The following DLG2 variants were observed in gnomAD, a reference collection of about 807,000 sequenced individuals.
DLG2 encodes discs large MAGUK scaffold protein 2, also known as disks large homolog 2.
A neutral mutation model predicts 132.5 loss-of-function variants in DLG2; 45 were observed. That is an observed-to-expected ratio of 0.34 (90% CI 0.27 to 0.44). DLG2 has a LOEUF of 0.44. DLG2 is among the 20% of genes least tolerant of loss of function. The pLI, the probability that DLG2 is intolerant of heterozygous loss-of-function variation, is 1.00. For synonymous variants in DLG2, 424 were observed against 419.6 expected (o/e 1.01, Z -0.13); for missense variants, 1,045 against 1,196.9 (o/e 0.87, Z 1.87).
intron 4 of DLG2, among the ~76,000 whole-genome samples, chr11:85,240,445 CT>C (rs1188850084): frequency 6.6e-6 from 1 of 151,592 alleles, no homozygotes; most frequent in Admixed American, 6.6e-5. Flanking sequence ...AATATATCAC[CT>C]TTTCCTTATG....
intron 5 of DLG2, among the ~76,000 whole-genome samples, chr11:85,127,730 G>C (rs1483271043): frequency 6.6e-6 from 1 of 152,156 alleles, no homozygotes; most frequent in Non-Finnish European, 1.5e-5. Context: ...GAAACCATTT[G>C]TTGCCTTGGT....
At position 83,613,490 on chromosome 11, in the gene DLG2, C is replaced by T. The variant is rs12223206; in HGVS notation, c.1940+19721G>A. On this transcript the variant is annotated intron_variant, in intron 19 of 27. Transcript: ENST00000376104. ...CTGATTTTCAAGAAATCTTACCAAC[C>T]TTTTCAATCTGTTTTACAAAGTTAT... is the stretch of plus-strand genomic sequence containing the variant. Among the ~76,000 whole-genome samples, 20 of 152,264 alleles carry T rather than the reference C, an allele frequency of 1.3e-4. No individual in the cohort carries two copies. In the East Asian group the frequency reaches 2.9e-3, roughly 22 times the overall value.
chr11:83,610,393 C>T (rs879379625), intron 19 of DLG2, among the ~76,000 whole-genome samples: 4 of 152,120 alleles, frequency 2.6e-5, no homozygotes, highest in East Asian at 3.8e-4. Context: ...AGGAATGTTT[C>T]GACTTGTGAG....
intron 12 of DLG2, among the ~76,000 whole-genome samples, chr11:83,978,687 A>G (rs1441068679): frequency 1.3e-5 from 2 of 152,160 alleles, no homozygotes; most frequent in East Asian, 3.8e-4. Context: ...CATTAATGGT[A>G]TATTTTTTGC....
intron 19 of DLG2, among the ~76,000 whole-genome samples, chr11:83,614,804 T>C (rs1195926395): frequency 6.6e-6 from 1 of 152,258 alleles, no homozygotes; most frequent in Admixed American, 6.5e-5. Flanking sequence ...TTGGGTTCTG[T>C]GCTAGATCCT....
chr11:84,483,013 C>T (rs1253516231), intron 7 of DLG2, among the ~76,000 whole-genome samples: 1 of 152,082 alleles, frequency 6.6e-6, no homozygotes, highest in East Asian at 1.9e-4. Context: ...ATATAATAAA[C>T]TTATAGAGAC....
At chr11:85,013,316 T>G (rs1274198461) in intron 6 of DLG2, among the ~76,000 whole-genome samples, 1 of 152,148 alleles carries the variant, frequency 6.6e-6, no homozygotes, top group East Asian at 1.9e-4. Flanking sequence ...CCCTCTTTCC[T>G]GAACCATGTA....
At chr11:85,155,075 G>C (rs933993302) in intron 4 of DLG2, among the ~76,000 whole-genome samples, 1 of 152,136 alleles carries the variant, frequency 6.6e-6, no homozygotes, top group Non-Finnish European at 1.5e-5. Flanking sequence ...TTTGCTTTGG[G>C]CTGTCTTTTT....
chr11:84,437,716 G>T (rs1008291197), intron 7 of DLG2: 3 of 152,322 alleles, frequency 2.0e-5, no homozygotes, highest in African/African-American at 7.2e-5. Context: ...GGCAGGCGCT[G>T]CCTTTGTAGC....
rs557280651 is a variant in DLG2, at chr11:84,277,594, C to T, written c.520-26303G>A. 5.3e-5 allele frequency among the ~76,000 whole-genome samples: 8 copies of T among 152,226 alleles called. No homozygotes were observed. The South Asian group carries it at 1.2e-3, about 24-fold the overall frequency. The stretch of plus-strand genomic sequence containing the variant: ...GCAGTAATTAAGGAAACATACATAT[C>T]ACTACACGCTTATATTTGAAAAGAA... On this transcript the variant is annotated intron_variant, in intron 7 of 27. Coordinates refer to ENST00000376104, the MANE Select transcript of DLG2 (RefSeq NM_001142699.3).
At chr11:84,379,064 C>T (rs760023051) in intron 7 of DLG2, among the ~76,000 whole-genome samples, 12 of 151,068 alleles carry the variant, frequency 7.9e-5, no homozygotes, top group Non-Finnish European at 1.8e-4. Context: ...TCTTTTGAAA[C>T]TCACCTTCAA....
At chr11:84,433,335 T>C (rs2098990459) in intron 7 of DLG2, among the ~76,000 whole-genome samples, 2 of 152,190 alleles carry the variant, frequency 1.3e-5, no homozygotes, top group African/African-American at 2.4e-5. Context: ...AATTGCACTT[T>C]CAATTTATCT....
intron 3 of DLG2, among the ~76,000 whole-genome samples, chr11:85,342,896 T>C (rs141989964): frequency 5.2e-4 from 79 of 152,320 alleles, no homozygotes; most frequent in African/African-American, 1.7e-3. Flanking sequence ...ATAACATACA[T>C]GTATAATATA....
intron 3 of DLG2, among the ~76,000 whole-genome samples, chr11:85,302,945 C>G (rs2079692938): frequency 6.6e-6 from 1 of 152,142 alleles, no homozygotes; most frequent in African/African-American, 2.4e-5. Flanking sequence ...GTTATTATCT[C>G]CATTTCACAA....
chr11:85,284,708 T>C (rs2078447820), intron 4 of DLG2, among the ~76,000 whole-genome samples: 1 of 151,984 alleles, frequency 6.6e-6, no homozygotes, highest in Non-Finnish European at 1.5e-5. Flanking sequence ...TTTATATTTA[T>C]TTTTAAAATT....
chr11:84,701,083 G>A (rs980531698), intron 6 of DLG2, among the ~76,000 whole-genome samples: 2 of 151,632 alleles, frequency 1.3e-5, no homozygotes, highest in Non-Finnish European at 3.0e-5. Context: ...CCACTCCAAT[G>A]AGACCATCCT....
At chr11:83,947,545 A>T (rs2084357056) in intron 14 of DLG2, among the ~76,000 whole-genome samples, 1 of 152,204 alleles carries the variant, frequency 6.6e-6, no homozygotes, top group Non-Finnish European at 1.5e-5. Context: ...CTATCATCAC[A>T]GCGGAAGCCA....
intron 3 of DLG2, among the ~76,000 whole-genome samples, chr11:85,465,406 T>C (rs1264024582): frequency 2.6e-5 from 4 of 152,124 alleles, no homozygotes; most frequent in Middle Eastern, 3.4e-3. Context: ...CTGCACCCAG[T>C]AACTCGTCAT....
chr11:84,658,754 G>T (rs2099691213), intron 6 of DLG2, among the ~76,000 whole-genome samples: 1 of 152,124 alleles, frequency 6.6e-6, no homozygotes, highest in Non-Finnish European at 1.5e-5. Context: ...ACGATTAAAA[G>T]CTTTCTAAGC....
Sources: allele counts gnomAD v4.1 joint callset (sites outside exome capture counted in the v4.1 genomes callset), GRCh38; gene constraint gnomAD v4.1.1; transcripts MANE v1.5; gene names NCBI Gene and HGNC (gene_info 2026-07-23, HGNC 2026-07-21).